RBFOX1: variants seen among roughly 807,000 people sequenced by gnomAD.
RBFOX1 encodes RNA binding protein fox-1 homolog 1.
A neutral mutation model predicts 57.7 loss-of-function variants in RBFOX1; 8 were observed. The observed-to-expected ratio is 0.14, with a 90% CI of 0.08 to 0.25. RBFOX1 has a LOEUF of 0.25. RBFOX1 is among the 10% of genes least tolerant of loss of function. The probability of loss-of-function intolerance (pLI) is 1.00; values close to 1 mark genes in which losing one functional copy is unlikely to be tolerated. For synonymous variants in RBFOX1, 326 were observed against 222.4 expected, an observed-to-expected ratio of 1.47 and a Z score of -4.15; for missense variants, 611 against 548.5, an observed-to-expected ratio of 1.11 and a Z score of -1.14.
rs543245629 is a variant in RBFOX1 at position 5,714,009 on chromosome 16, G to C, written c.318+115048G>C. 4.6e-5 allele frequency among the ~76,000 whole-genome samples: 7 copies of C among 152,274 alleles called. No homozygotes were observed. The South Asian group carries it at 1.5e-3, about 32-fold the overall frequency. On this transcript the variant is annotated intron_variant, in intron 3 of 19. Transcript: ENST00000641259. Reference sequence around the variant, plus strand: ...TTTAGGAAGCTCACTCACAGGGCTTGTTACCTAATTAGGAGGTAAAGAAAG... The same window carrying C: ...TTTAGGAAGCTCACTCACAGGGCTTCTTACCTAATTAGGAGGTAAAGAAAG...
chr16:6,472,328 C>T, intron 2 of RBFOX1, among the ~76,000 whole-genome samples: 1 of 152,272 alleles, frequency 6.6e-6, no homozygotes, highest in East Asian at 1.9e-4. Flanking sequence ...GGTGGAGATG[C>T]TGGCTGCACA....
rs113114330 is a variant in RBFOX1, at chr16:7,682,545, GTTT to G, written c.995+5719_995+5721del. On this transcript the variant is annotated intron_variant, in intron 14 of 15. Coordinates refer to ENST00000550418, the MANE Select transcript of RBFOX1 (RefSeq NM_018723.4). ...TTTGAAGAAGCTGTTCTTGGTTTTA[GTTT>G]TTTTTTTTTTTAATCTTTTATTTTT... 9.4e-4 allele frequency among the ~76,000 whole-genome samples: 129 copies of G among 136,630 alleles called. 2 individuals carry two copies. The highest frequency in any genetic ancestry group is 3.2e-3 in the African/African-American group (121 of 37,966). The allele number at this position is 136,630 out of a possible 152,430, so 89.6% of individuals were successfully genotyped here.
chr16:7,395,508 C>T (rs938061158), intron 4 of RBFOX1, among the ~76,000 whole-genome samples: 6 of 152,042 alleles, frequency 3.9e-5, no homozygotes, highest in Admixed American at 2.0e-4. Flanking sequence ...TTTTGTTGGA[C>T]GGAATACTAA....
chr16:7,398,048 T>C (rs2098171365), intron 4 of RBFOX1, among the ~76,000 whole-genome samples: 1 of 152,086 alleles, frequency 6.6e-6, no homozygotes, highest in South Asian at 2.1e-4. Context: ...AACTGTTTGG[T>C]GATTTAACCT....
chr16:5,678,481 C>T (rs968116990), intron 3 of RBFOX1, among the ~76,000 whole-genome samples: 28 of 152,080 alleles, frequency 1.8e-4, no homozygotes, highest in Admixed American at 4.6e-4. Flanking sequence ...TATGTGCAAG[C>T]GGGTAGGGCA....
At chr16:5,492,939 C>A (rs184040083) in intron 2 of RBFOX1, among the ~76,000 whole-genome samples, 1 of 152,312 alleles carries the variant, frequency 6.6e-6, no homozygotes, top group East Asian at 1.9e-4. Flanking sequence ...CTTCTTTTGA[C>A]CCTAGAGCCT....
intron 3 of RBFOX1, among the ~76,000 whole-genome samples, chr16:6,685,700 A>G (rs888388799): frequency 1.3e-5 from 2 of 152,124 alleles, no homozygotes; most frequent in Non-Finnish European, 2.9e-5. Flanking sequence ...AAGGAGAAAA[A>G]CAAGATGGCC....
intron 4 of RBFOX1, among the ~76,000 whole-genome samples, chr16:7,219,224 C>T (rs924018003): frequency 6.6e-6 from 1 of 152,194 alleles, no homozygotes; most frequent in Non-Finnish European, 1.5e-5. Flanking sequence ...GCAGCATGCT[C>T]TACCAATTAA....
At chr16:7,597,554 T>C (rs557722791) in intron 9 of RBFOX1, 123 bp downstream of exon 9, 2 of 795,526 alleles carry the variant, frequency 2.5e-6, no homozygotes, top group Admixed American at 3.0e-5. Context: ...TTTTTACTAC[T>C]GACCTGCTAC....
chr16:6,714,220 C>A (rs528845371), intron 3 of RBFOX1, among the ~76,000 whole-genome samples: 1 of 152,284 alleles, frequency 6.6e-6, no homozygotes, highest in Admixed American at 6.5e-5. Context: ...TTTCCTGAGG[C>A]CTCTCCAGCC....
chr16:7,438,111 T>C (rs1157787831), intron 4 of RBFOX1, among the ~76,000 whole-genome samples: 4 of 152,154 alleles, frequency 2.6e-5, no homozygotes, highest in Non-Finnish European at 5.9e-5. Context: ...CATCAGCTAT[T>C]AAAATACAAG....
At chr16:6,702,428 C>A (rs567639806) in intron 3 of RBFOX1, among the ~76,000 whole-genome samples, 3 of 152,282 alleles carry the variant, frequency 2.0e-5, no homozygotes, top group Admixed American at 1.3e-4. Context: ...CTGGCATATG[C>A]CTGTAATCCC....
At chr16:5,932,253 C>G (rs1303829997) in intron 4 of RBFOX1, among the ~76,000 whole-genome samples, 1 of 152,156 alleles carries the variant, frequency 6.6e-6, no homozygotes, top group Non-Finnish European at 1.5e-5. Context: ...TGCACCGTAG[C>G]TGGTTTAAAG....
chr16:6,727,058 C>T lies in RBFOX1; in HGVS notation c.-16+72408C>T, dbSNP rs892330043. 2.9e-5 allele frequency among the ~76,000 whole-genome samples: 4 copies of T among 135,866 alleles called. 1 individual carries two copies. The highest frequency in any genetic ancestry group is 1.1e-4 in the African/African-American group (4 of 37,064). The allele number at this position is 135,866 out of a possible 152,430, so 89.1% of individuals were successfully genotyped here. On this transcript the variant is annotated intron_variant, in intron 3 of 15. Transcript: ENST00000550418. ...TTCAGGTATTTGGACTGAACACACA[C>T]ACACACAGACACAGAGAGAGACACA...
At chr16:6,390,280 G>A (rs1305274916) in intron 2 of RBFOX1, among the ~76,000 whole-genome samples, 3 of 152,098 alleles carry the variant, frequency 2.0e-5, no homozygotes, top group East Asian at 3.8e-4. Context: ...TTATTTTCTG[G>A]TTTAGAGATG....
chr16:5,675,220 ACACACACACACACGCACACCCACC>A (rs949412068), intron 3 of RBFOX1, among the ~76,000 whole-genome samples: 1 of 151,650 alleles, frequency 6.6e-6, no homozygotes, highest in Non-Finnish European at 1.5e-5. Context: ...GTACTCACGC[ACACACACACACACGCACACCCACC>A]CACACACACA....
intron 2 of RBFOX1, among the ~76,000 whole-genome samples, chr16:6,513,729 C>T (rs1267935071): frequency 1.3e-5 from 2 of 151,596 alleles, no homozygotes; most frequent in East Asian, 1.9e-4. Context: ...AGTGAGACTT[C>T]GTCTCAAAAA....
chr16:7,269,694 T>C (rs1035178851), intron 4 of RBFOX1, among the ~76,000 whole-genome samples: 2 of 152,232 alleles, frequency 1.3e-5, no homozygotes, highest in Non-Finnish European at 2.9e-5. Flanking sequence ...CTTACTATTA[T>C]TAAGAATAAT....
intron 14 of RBFOX1, among the ~76,000 whole-genome samples, chr16:7,681,782 AAGT>A (rs1454645898): frequency 6.6e-6 from 1 of 152,088 alleles, no homozygotes; most frequent in Non-Finnish European, 1.5e-5. Flanking sequence ...CCCTTAATGA[AAGT>A]ACACATGCAA....
Sources: allele counts gnomAD v4.1 joint callset (sites outside exome capture counted in the v4.1 genomes callset), GRCh38; gene constraint gnomAD v4.1.1; transcripts MANE v1.5; gene names NCBI Gene and HGNC (gene_info 2026-07-23, HGNC 2026-07-21).